Variants in HS3ST4 observed in about 807,000 individuals in gnomAD.
HS3ST4 encodes heparan sulfate-glucosamine 3-sulfotransferase 4.
A neutral mutation model predicts 29.2 loss-of-function variants in HS3ST4; 17 were observed. That is an observed-to-expected ratio of 0.58 (90% CI 0.40 to 0.87). The LOEUF is 0.87. Ranked by LOEUF, HS3ST4 falls within the 40% of genes least tolerant of loss-of-function variation. The pLI is 0.00. For missense variants in HS3ST4, 627 were observed against 634.5 expected, an observed-to-expected ratio of 0.99 and a Z score of 0.13; for synonymous variants, 314 against 285.7, an observed-to-expected ratio of 1.10 and a Z score of -1.00.
At chr16:26,035,475 T>C (rs1969574007) in intron 1 of HS3ST4, among the ~76,000 whole-genome samples, 1 of 152,250 alleles carries the variant, frequency 6.6e-6, no homozygotes, top group African/African-American at 2.4e-5. Context: ...CTAAAGCTGG[T>C]TCTCTTTCAG....
chr16:26,014,829 A>C (rs1300351891), intron 1 of HS3ST4, among the ~76,000 whole-genome samples: 1 of 152,178 alleles, frequency 6.6e-6, no homozygotes, highest in Non-Finnish European at 1.5e-5. Context: ...TGACTTTACC[A>C]TCATAATATA....
chr16:25,834,601 T>C (rs1023388300), intron 1 of HS3ST4, among the ~76,000 whole-genome samples: 5 of 152,192 alleles, frequency 3.3e-5, no homozygotes, highest in East Asian at 3.9e-4. Flanking sequence ...CAAAACATGC[T>C]ATATATATGT....
At chr16:26,077,485 T>G (rs1251797357) in intron 1 of HS3ST4, among the ~76,000 whole-genome samples, 1 of 152,232 alleles carries the variant, frequency 6.6e-6, no homozygotes. Flanking sequence ...TGCTTTCTTG[T>G]AGGAGCAAAA....
intron 1 of HS3ST4, among the ~76,000 whole-genome samples, chr16:25,912,914 A>G (rs935310174): frequency 7.2e-5 from 11 of 152,218 alleles, no homozygotes; most frequent in African/African-American, 2.7e-4. Flanking sequence ...TGATAGAAAG[A>G]TGAATAAAAT....
chr16:26,043,521 G>A (rs1002696504), intron 1 of HS3ST4, among the ~76,000 whole-genome samples: 1 of 152,158 alleles, frequency 6.6e-6, no homozygotes, highest in Non-Finnish European at 1.5e-5. Context: ...TACATTATAG[G>A]AATAATAGGA....
intron 1 of HS3ST4, among the ~76,000 whole-genome samples, chr16:26,091,426 A>AT (rs1365461746): frequency 2.0e-5 from 3 of 152,164 alleles, no homozygotes; most frequent in African/African-American, 4.8e-5. Flanking sequence ...ATACACACTG[A>AT]TTTTTTAATG....
At chr16:25,954,302 T>C (rs897187125) in intron 1 of HS3ST4, among the ~76,000 whole-genome samples, 1 of 152,200 alleles carries the variant, frequency 6.6e-6, no homozygotes, top group Admixed American at 6.5e-5. Context: ...ATAATGATAG[T>C]AAAGGCAACT....
intron 1 of HS3ST4, among the ~76,000 whole-genome samples, chr16:25,756,063 C>G (rs1311915051): frequency 6.6e-6 from 1 of 151,272 alleles, no homozygotes; most frequent in East Asian, 1.9e-4. Context: ...AATATGCAAA[C>G]AAAGTATGTC....
At chr16:26,127,612 G>C (rs887384558) in intron 1 of HS3ST4, among the ~76,000 whole-genome samples, 2 of 152,138 alleles carry the variant, frequency 1.3e-5, no homozygotes, top group African/African-American at 2.4e-5. Flanking sequence ...TGGGGTTAAG[G>C]AGCATTGGCT....
intron 1 of HS3ST4, among the ~76,000 whole-genome samples, chr16:26,105,953 G>A (rs1899050061): frequency 6.6e-6 from 1 of 152,142 alleles, no homozygotes; most frequent in Admixed American, 6.5e-5. Flanking sequence ...TATTTAGCAG[G>A]GTGGTATAGA....
At chr16:26,124,892 G>C (rs1446979325) in intron 1 of HS3ST4, among the ~76,000 whole-genome samples, 1 of 152,210 alleles carries the variant, frequency 6.6e-6, no homozygotes, top group Non-Finnish European at 1.5e-5. Context: ...AAAATGAACT[G>C]AAAAGGGCTT....
At chr16:25,896,402 C>T (rs1012817340) in intron 1 of HS3ST4, among the ~76,000 whole-genome samples, 2 of 152,096 alleles carry the variant, frequency 1.3e-5, no homozygotes, top group Admixed American at 6.6e-5. Context: ...AAAAAATGGT[C>T]TTCATTATAA....
At chr16:25,780,509 A>G (rs1488107555) in intron 1 of HS3ST4, among the ~76,000 whole-genome samples, 1 of 152,212 alleles carries the variant, frequency 6.6e-6, no homozygotes, top group Non-Finnish European at 1.5e-5. Context: ...ATAAAGGATC[A>G]TTATTATTTT....
intron 1 of HS3ST4, among the ~76,000 whole-genome samples, chr16:26,042,068 G>GA (rs1420341930): frequency 6.6e-6 from 1 of 152,158 alleles, no homozygotes; most frequent in East Asian, 1.9e-4. Context: ...CTTGGCTGAA[G>GA]AAGCAGAACT....
chr16:26,126,687 T>C (rs1469609497), intron 1 of HS3ST4, among the ~76,000 whole-genome samples: 3 of 152,186 alleles, frequency 2.0e-5, no homozygotes, highest in Non-Finnish European at 4.4e-5. Flanking sequence ...GATGTGGCAG[T>C]GTCTGCAGAC....
intron 1 of HS3ST4, among the ~76,000 whole-genome samples, chr16:25,903,796 C>T (rs1319824299): frequency 6.6e-6 from 1 of 152,072 alleles, no homozygotes; most frequent in Non-Finnish European, 1.5e-5. Flanking sequence ...ATTCTCTAAA[C>T]AATACGCACT....
chr16:25,976,607 G>A (rs1014785975), intron 1 of HS3ST4, among the ~76,000 whole-genome samples: 1 of 152,228 alleles, frequency 6.6e-6, no homozygotes, highest in African/African-American at 2.4e-5. Context: ...GGAATAGAGT[G>A]ACAGCTTCTA....
At chr16:25,904,335 G>A (rs919957673) in intron 1 of HS3ST4, among the ~76,000 whole-genome samples, 2 of 152,210 alleles carry the variant, frequency 1.3e-5, no homozygotes, top group African/African-American at 4.8e-5. Context: ...AATATTCACT[G>A]CTCTTCAACT....
chr16:26,060,265 G>C (rs913943010), intron 1 of HS3ST4, among the ~76,000 whole-genome samples: 1 of 152,168 alleles, frequency 6.6e-6, no homozygotes, highest in African/African-American at 2.4e-5. Context: ...AGTCATTTGA[G>C]CTTGACCTAT....
Sources: gnomAD v4.1 joint callset for allele counts (sites outside exome capture counted in the v4.1 genomes callset) on GRCh38, gnomAD v4.1.1 for gene constraint, MANE v1.5 for transcripts, NCBI Gene and HGNC (gene_info 2026-07-23, HGNC 2026-07-21) for gene names.